CEP63: variants seen among roughly 807,000 people sequenced by gnomAD.
CEP63 encodes centrosomal protein of 63 kDa.
In CEP63, 84 loss-of-function variants were observed where a neutral mutation model predicts 89.1. That is an observed-to-expected ratio of 0.94 (90% CI 0.79 to 1.13). CEP63 has a LOEUF of 1.13. CEP63 is among the 50% of genes most tolerant of loss of function. The probability of loss-of-function intolerance (pLI) is 0.00; values close to 1 mark genes in which losing one functional copy is unlikely to be tolerated. For synonymous variants in CEP63, 267 were observed against 272.5 expected, an observed-to-expected ratio of 0.98 and a Z score of 0.20; for missense variants, 838 against 813.3, an observed-to-expected ratio of 1.03 and a Z score of -0.37.
chr3:134,681,282 C>T, the CEP63 span, among the ~76,000 whole-genome samples: 16 of 152,236 alleles, frequency 1.1e-4, 1 homozygote, highest in Middle Eastern at 3.4e-3. Context: ...GGGACGGTTG[C>T]CTGGCACCTT....
At chr3:134,608,997 C>G in the CEP63 span, among the ~76,000 whole-genome samples, 10 of 152,154 alleles carry the variant, frequency 6.6e-5, no homozygotes, top group Non-Finnish European at 1.2e-4. Flanking sequence ...TGGATGCTTC[C>G]AGAAATTGTA....
chr3:134,583,585 T>A (rs536250833), intron 10 of CEP63, among the ~76,000 whole-genome samples: 1 of 152,310 alleles, frequency 6.6e-6, no homozygotes, highest in African/African-American at 2.4e-5. Context: ...TACTGTAGCC[T>A]TGTAGTATAG....
At chr3:134,701,309 TATATGTGTATATATACATATAC>T in the CEP63 span, among the ~76,000 whole-genome samples, 3 of 61,636 alleles carry the variant, frequency 4.9e-5, no homozygotes, top group Non-Finnish European at 1.1e-4. Flanking sequence ...TATATACGTA[TATATGTGTATATATACATATAC>T]ACACACATAT....
At chr3:134,745,676 T>C in the CEP63 span, among the ~76,000 whole-genome samples, 2 of 152,026 alleles carry the variant, frequency 1.3e-5, no homozygotes, top group African/African-American at 4.8e-5. Context: ...AATGCTATCT[T>C]TCCCTCAGCC....
At chr3:134,632,663 T>G in the CEP63 span, among the ~76,000 whole-genome samples, 1 of 151,740 alleles carries the variant, frequency 6.6e-6, no homozygotes, top group Non-Finnish European at 1.5e-5. Context: ...AAGAAAGGTT[T>G]CAAATCAACA....
chr3:134,731,776 G>A, the CEP63 span, among the ~76,000 whole-genome samples: 1 of 152,148 alleles, frequency 6.6e-6, no homozygotes, highest in Non-Finnish European at 1.5e-5. Flanking sequence ...CATCTGTAGG[G>A]TAAAGTGTAA....
the CEP63 span, among the ~76,000 whole-genome samples, chr3:134,649,344 C>G: frequency 6.6e-6 from 1 of 152,146 alleles, no homozygotes; most frequent in Non-Finnish European, 1.5e-5. Flanking sequence ...TCCTGGGCTT[C>G]TCTGCATTCT....
At chr3:134,554,198 G>A (rs1009695580) in intron 12 of CEP63, among the ~76,000 whole-genome samples, 7 of 151,428 alleles carry the variant, frequency 4.6e-5, no homozygotes, top group African/African-American at 7.3e-5. Flanking sequence ...TCGTTATCTA[G>A]CATTAGGTAT....
At chr3:134,654,107 C>T in the CEP63 span, among the ~76,000 whole-genome samples, 1 of 152,196 alleles carries the variant, frequency 6.6e-6, no homozygotes, top group Admixed American at 6.5e-5. Context: ...AAATTCAACA[C>T]TTAGACACAT....
downstream of CEP63, among the ~76,000 whole-genome samples, chr3:134,588,192 C>T (rs977609502): frequency 2.0e-5 from 3 of 152,070 alleles, no homozygotes; most frequent in African/African-American, 7.2e-5. Context: ...ACTCAGGAGG[C>T]TGAGGCAGGA....
At chr3:134,543,867 A>C (rs2109495232) in intron 6 of CEP63, among the ~76,000 whole-genome samples, 2 of 152,272 alleles carry the variant, frequency 1.3e-5, no homozygotes, top group East Asian at 3.9e-4. Flanking sequence ...ATTATATTTA[A>C]AAGTTTGGAG....
chr3:134,653,130 A>C, the CEP63 span, among the ~76,000 whole-genome samples: 1 of 152,228 alleles, frequency 6.6e-6, no homozygotes, highest in South Asian at 2.1e-4. Context: ...GTCTGAAGAC[A>C]GCTTCGGAGC....
At chr3:134,695,120 G>C in the CEP63 span, among the ~76,000 whole-genome samples, 4 of 152,208 alleles carry the variant, frequency 2.6e-5, no homozygotes, top group South Asian at 8.3e-4. Flanking sequence ...GGACCTGCCT[G>C]AGCTGTGCGG....
intron 6 of CEP63, among the ~76,000 whole-genome samples, chr3:134,538,937 C>T (rs941134826): frequency 6.6e-6 from 1 of 152,018 alleles, no homozygotes; most frequent in Non-Finnish European, 1.5e-5. Context: ...TACTGTAATT[C>T]AGCTAGGGCT....
At chr3:134,619,157 C>T in the CEP63 span, 1 of 1,613,724 alleles carries the variant, frequency 6.2e-7, no homozygotes, top group Non-Finnish European at 8.5e-7. Context: ...CCTGCACATT[C>T]TCTCGAAGAG....
At chr3:134,708,376 C>T in the CEP63 span, among the ~76,000 whole-genome samples, 1 of 152,278 alleles carries the variant, frequency 6.6e-6, no homozygotes, top group African/African-American at 2.4e-5. Flanking sequence ...TTTTCATTAT[C>T]TTGATGTGTC....
At chr3:134,495,449 C>T (rs1939493381) in intron 2 of CEP63, 85 bp downstream of exon 2, 1 of 851,734 alleles carries the variant, frequency 1.2e-6, no homozygotes, top group Admixed American at 1.8e-5. Flanking sequence ...TTGATACATA[C>T]ATATAATGTG....
chr3:134,534,811 C>T (rs1342232593), intron 5 of CEP63, among the ~76,000 whole-genome samples: 1 of 152,156 alleles, frequency 6.6e-6, no homozygotes, highest in Non-Finnish European at 1.5e-5. Flanking sequence ...CTACTTTCCA[C>T]AATGAGTATT....
At chr3:134,711,851 C>G in the CEP63 span, among the ~76,000 whole-genome samples, 44 of 151,596 alleles carry the variant, frequency 2.9e-4, no homozygotes, top group Non-Finnish European at 5.6e-4. Flanking sequence ...TAACCTCTGC[C>G]CCCTGGGTTC....
Sources: gnomAD v4.1 joint callset for allele counts (sites outside exome capture counted in the v4.1 genomes callset) on GRCh38, gnomAD v4.1.1 for gene constraint, MANE v1.5 for transcripts, NCBI Gene and HGNC (gene_info 2026-07-23, HGNC 2026-07-21) for gene names.